DNAJC13: variants seen among roughly 807,000 people sequenced by gnomAD.
The protein encoded by DNAJC13 is DnaJ heat shock protein family (Hsp40) member C13.
Under a neutral mutation model 290.5 loss-of-function variants are expected in DNAJC13, and 75 were observed. The observed-to-expected ratio is 0.26, with a 90% CI of 0.21 to 0.31. The LOEUF is 0.31. DNAJC13 is among the 10% of genes least tolerant of loss of function. DNAJC13 has a pLI of 1.00. For missense variants in DNAJC13, 2,260 were observed against 2,674.5 expected (o/e 0.85, Z 3.42); for synonymous variants, 862 against 892.0 (o/e 0.97, Z 0.60).
intron 1 of DNAJC13, among the ~76,000 whole-genome samples, chr3:132,432,706 A>G (rs1338619104): frequency 6.6e-6 from 1 of 152,220 alleles, no homozygotes; most frequent in African/African-American, 2.4e-5. Flanking sequence ...TTTAGATGAA[A>G]TAAATGGATT....
chr3:132,525,166 C>T (rs978658049), intron 51 of DNAJC13, among the ~76,000 whole-genome samples: 13 of 152,072 alleles, frequency 8.5e-5, no homozygotes, highest in African/African-American at 2.4e-4. Flanking sequence ...GGAGAAACCC[C>T]GTCTCTACTA....
At chr3:132,465,699 G>GT (rs201578664) in intron 17 of DNAJC13, among the ~76,000 whole-genome samples, 2,354 of 151,412 alleles carry the variant, frequency 0.016, 47 homozygotes, top group African/African-American at 0.048. Context: ...TGTTTTTGTT[G>GT]TTTTTTTTCT....
At chr3:132,522,546 G>A (rs1399807066) in intron 48 of DNAJC13, among the ~76,000 whole-genome samples, 2 of 152,142 alleles carry the variant, frequency 1.3e-5, no homozygotes, top group Non-Finnish European at 2.9e-5. Context: ...TAGTGATACG[G>A]AGGCAGGGGG....
At chr3:132,512,857 A>G in intron 44 of DNAJC13, 151 bp from the exon 45 acceptor site, 2 of 644,096 alleles carry the variant, frequency 3.1e-6, no homozygotes, top group Non-Finnish European at 5.3e-6. Flanking sequence ...ATTGTTCCTT[A>G]GAGGTCCTCC....
intron 6 of DNAJC13, among the ~76,000 whole-genome samples, chr3:132,452,561 C>T (rs1170544526): frequency 2.0e-5 from 3 of 152,252 alleles, no homozygotes; most frequent in South Asian, 2.1e-4. Context: ...AATGCAAGTT[C>T]AGGTTGAGCA....
rs768445916 is a variant in DNAJC13 at position 132,488,362 on chromosome 3, A to C, written c.3332A>C (p.Gln1111Pro). ...KVAILLYHIMQDNPQLPRLYL... is the reference protein window; with the variant it reads ...KVAILLYHIMPDNPQLPRLYL... ...GCTATTTTGTTATACCATATCATGC[A>C]AGATAACCCACAGTTACCCCGCCTT... The change falls in exon 30 of 56, where the codon CAA becomes CCA. Residue 1111 changes from glutamine to proline, a missense_variant. By Grantham distance (76) the Gln-to-Pro change is moderately conservative (BLOSUM62 -1). Around this residue, in one of 3 missense-constraint regions of DNAJC13, gnomAD observed 1,494 missense variants for 1,693.7 expected, o/e 0.88. Coordinates refer to ENST00000260818, the MANE Select transcript of DNAJC13 (RefSeq NM_015268.4). 1 of 1,613,560 alleles carries C rather than the reference A, an allele frequency of 6.2e-7. No homozygotes were observed.
chr3:132,511,728 G>T (rs1394694134), intron 44 of DNAJC13, among the ~76,000 whole-genome samples: 1 of 152,030 alleles, frequency 6.6e-6, no homozygotes, highest in East Asian at 1.9e-4. Context: ...ATCTTTAAGA[G>T]GACATTTCCA....
At chr3:132,446,674 T>C (rs1047643872) in intron 3 of DNAJC13, 124 bp downstream of exon 3, 5 of 607,590 alleles carry the variant, frequency 8.2e-6, no homozygotes, top group Non-Finnish European at 1.1e-5. Context: ...CAGAAAGAGA[T>C]TGATGTGCTT....
In DNAJC13 at chr3:132,494,265, T is replaced by C. The variant is rs1935159775; in HGVS notation, c.3941+6T>C. 1 of 1,593,246 alleles carries C rather than the reference T, an allele frequency of 6.3e-7. No individual in the cohort carries two copies. Among genetic ancestry groups the C allele is most frequent in the Non-Finnish European group, 8.6e-7 (1 of 1,161,720 alleles). ...CTGCCTCAAGGACAGGGACCGTGAGTTGTTTTCAGTACAATAGCAAATGTC... is the reference window on the plus strand; with the variant it reads ...CTGCCTCAAGGACAGGGACCGTGAGCTGTTTTCAGTACAATAGCAAATGTC... On this transcript the variant is annotated splice_donor_region_variant and intron_variant, in intron 34 of 55. Coordinates refer to ENST00000260818, the MANE Select transcript of DNAJC13 (RefSeq NM_015268.4).
In DNAJC13 at chr3:132,453,409, C is replaced by G. The variant is rs557390270; in HGVS notation, c.649C>G (p.Gln217Glu). 2 of 1,613,912 alleles carry G rather than the reference C, an allele frequency of 1.2e-6. No homozygotes were observed. Among genetic ancestry groups the G allele is most frequent in the African/African-American group, 2.7e-5 (2 of 75,040 alleles). ...CAGGAAAGAGCCTTTAGAATTCGAG[C>G]AATATTTGAATCTTCGCTTTGGAAA... ...RIRKEPLEFE[Q>E]YLNLRFGKYS... The change falls in exon 7 of 56, where the codon CAA becomes GAA. Residue 217 changes from glutamine (Q) to glutamate (E), a missense_variant. Around this residue, in one of 3 missense-constraint regions of DNAJC13, gnomAD observed 762 missense variants for 964.1 expected, o/e 0.79. Coordinates refer to ENST00000260818, the MANE Select transcript of DNAJC13 (RefSeq NM_015268.4).
intron 41 of DNAJC13, among the ~76,000 whole-genome samples, chr3:132,504,316 T>TG (rs1935517843): frequency 6.6e-6 from 1 of 151,874 alleles, no homozygotes. Context: ...ACTGGTTTTT[T>TG]TTTTTTTTTT....
At chr3:132,484,457 T>A (rs1471712715) in intron 28 of DNAJC13, 131 bp from the exon 29 acceptor site, 1 of 735,490 alleles carries the variant, frequency 1.4e-6, no homozygotes, top group East Asian at 2.7e-5. Flanking sequence ...TGTTCCCAGC[T>A]GTATGAGAGC....
rs964286496 is a variant in DNAJC13, at chr3:132,477,910, T to C, written c.2549+18T>C. ...AAGAGATCGTGAGCTACTCTGTATATCCTGTCGCATTTGTTTTCACTGTTG... is the reference window on the plus strand; with the variant it reads ...AAGAGATCGTGAGCTACTCTGTATACCCTGTCGCATTTGTTTTCACTGTTG... On this transcript the variant is annotated intron_variant, in intron 23 of 55. Transcript: ENST00000260818. 6.2e-7 allele frequency: 1 copy of C among 1,606,212 alleles called. No homozygotes were observed. The highest frequency in any genetic ancestry group is 1.3e-5 in the African/African-American group (1 of 74,208).
chr3:132,480,327 GA>G (rs1320355809), intron 25 of DNAJC13, 41 bp from the exon 26 acceptor site: 2 of 1,418,862 alleles, frequency 1.4e-6, no homozygotes, highest in South Asian at 1.2e-5. Flanking sequence ...TTTAGGTTAT[GA>G]AAAATGTTTA....
intron 5 of DNAJC13, among the ~76,000 whole-genome samples, chr3:132,448,895 C>T (rs1044360930): frequency 6.6e-6 from 1 of 152,138 alleles, no homozygotes; most frequent in African/African-American, 2.4e-5. Flanking sequence ...TAAATCATAA[C>T]TTGGTGTGCT....
chr3:132,497,132 C>A (rs977810295), intron 36 of DNAJC13, among the ~76,000 whole-genome samples: 1 of 152,196 alleles, frequency 6.6e-6, no homozygotes, highest in Non-Finnish European at 1.5e-5. Flanking sequence ...CTCATACGTT[C>A]TATTTCCTAT....
intron 1 of DNAJC13, 86 bp from the exon 2 acceptor site, chr3:132,434,452 C>T (rs1231953946): frequency 1.2e-5 from 11 of 907,592 alleles, no homozygotes; most frequent in South Asian, 4.9e-5. Flanking sequence ...AGTGAGAGAG[C>T]GATCTTGCTA....
At chr3:132,427,072 C>CAT (rs200537999) in intron 1 of DNAJC13, among the ~76,000 whole-genome samples, 1 of 111,896 alleles carries the variant, frequency 8.9e-6, no homozygotes, top group Non-Finnish European at 1.8e-5. Flanking sequence ...TTTATATATA[C>CAT]ATATGTGTGT....
rs1934957523 is a variant in DNAJC13, at chr3:132,488,445, G to A, written c.3415G>A (p.Val1139Ile). 1.9e-6 allele frequency: 3 copies of A among 1,608,276 alleles called. No homozygotes were observed. Among genetic ancestry groups the A allele is most frequent in the Middle Eastern group, 1.6e-4 (1 of 6,066 alleles). ...GTACACAGGTTCCAATGTGCTTCCT[G>A]TTGCTCGGTAAGAACTTTAAGGGTA... is the stretch of plus-strand genomic sequence containing the variant. ...MMYTGSNVLPVARFLKYTHTK... is the reference protein window; with the variant it reads ...MMYTGSNVLPIARFLKYTHTK... The change falls in exon 30 of 56, where the codon GTT becomes ATT. Residue 1139 changes from valine (V) to isoleucine (I), a missense_variant. By Grantham distance (29) the Val-to-Ile change is conservative. Around this residue, in one of 3 missense-constraint regions of DNAJC13, gnomAD observed 1,494 missense variants for 1,693.7 expected, o/e 0.88. Transcript: ENST00000260818.
Sources: gnomAD v4.1 joint callset for allele counts (sites outside exome capture counted in the v4.1 genomes callset) on GRCh38, gnomAD v4.1.1 for gene constraint, gnomAD v4.1.1 regional missense constraint, MANE v1.5 for transcripts, NCBI Gene and HGNC (gene_info 2026-07-23, HGNC 2026-07-21) for gene names.